Variants in RCAN2 observed in about 807,000 individuals in gnomAD.
RCAN2 encodes regulator of calcineurin 2.
A neutral mutation model predicts 23.6 loss-of-function variants in RCAN2; 9 were observed. That is an observed-to-expected ratio of 0.38 (90% CI 0.23 to 0.67). RCAN2 has a LOEUF of 0.67. Among genes scored for constraint, RCAN2 ranks in the 30% least tolerant of loss-of-function variants. The pLI, the probability that RCAN2 is intolerant of heterozygous loss-of-function variation, is 0.51. For synonymous variants in RCAN2, 109 were observed against 115.7 expected (o/e 0.94, Z 0.37); for missense variants, 273 against 302.3 (o/e 0.90, Z 0.72).
intron 2 of RCAN2, among the ~76,000 whole-genome samples, chr6:46,369,026 T>C (rs1444118550): frequency 6.6e-6 from 1 of 152,206 alleles, no homozygotes; most frequent in Non-Finnish European, 1.5e-5. Context: ...GTATTTTCTT[T>C]CTTTATACCC....
At chr6:46,482,424 G>A (rs1011287863) in intron 1 of RCAN2, among the ~76,000 whole-genome samples, 4 of 152,140 alleles carry the variant, frequency 2.6e-5, no homozygotes, top group Non-Finnish European at 4.4e-5. Context: ...CAGTGAAAGG[G>A]AGGATTCTGC....
At chr6:46,450,636 A>G (rs966209856) in intron 2 of RCAN2, among the ~76,000 whole-genome samples, 6 of 152,086 alleles carry the variant, frequency 3.9e-5, no homozygotes, top group Admixed American at 3.9e-4. Context: ...GTCTTTGCAC[A>G]ACATGGATGA....
intron 2 of RCAN2, among the ~76,000 whole-genome samples, chr6:46,350,986 A>T (rs911182294): frequency 1.3e-5 from 2 of 152,168 alleles, no homozygotes; most frequent in Non-Finnish European, 2.9e-5. Flanking sequence ...TCTCCTCTGG[A>T]TGATAATAGT....
chr6:46,352,133 C>T (rs529731814), intron 2 of RCAN2, among the ~76,000 whole-genome samples: 2 of 152,276 alleles, frequency 1.3e-5, no homozygotes, highest in South Asian at 4.1e-4. Context: ...TCTAAGGAGG[C>T]CTCTCCTGGG....
intron 2 of RCAN2, among the ~76,000 whole-genome samples, chr6:46,390,671 G>T (rs765424263): frequency 6.6e-6 from 1 of 152,106 alleles, no homozygotes; most frequent in Non-Finnish European, 1.5e-5. Flanking sequence ...TCATTCTGTA[G>T]GATTACTAGA....
chr6:46,294,222 A>G (rs1762650093), intron 2 of RCAN2, among the ~76,000 whole-genome samples: 1 of 152,206 alleles, frequency 6.6e-6, no homozygotes. Flanking sequence ...ACGGAATTTA[A>G]AAATAGCAAG....
At chr6:46,387,834 CAA>C (rs1765801203) in intron 2 of RCAN2, among the ~76,000 whole-genome samples, 1 of 152,106 alleles carries the variant, frequency 6.6e-6, no homozygotes, top group African/African-American at 2.4e-5. Context: ...TTCACAATGG[CAA>C]AGACTTGGAA....
chr6:46,385,900 C>T (rs1181428540), intron 2 of RCAN2, among the ~76,000 whole-genome samples: 1 of 146,014 alleles, frequency 6.8e-6, no homozygotes, highest in South Asian at 2.2e-4. Flanking sequence ...AAATATAAAA[C>T]CCAAAACCAT....
chr6:46,392,737 G>A (rs1765970904), intron 2 of RCAN2, among the ~76,000 whole-genome samples: 1 of 152,226 alleles, frequency 6.6e-6, no homozygotes, highest in Non-Finnish European at 1.5e-5. Flanking sequence ...CAGAATATGG[G>A]CTCTGTCAAA....
At chr6:46,427,406 G>A (rs1767059552) in intron 2 of RCAN2, among the ~76,000 whole-genome samples, 1 of 152,146 alleles carries the variant, frequency 6.6e-6, no homozygotes, top group Admixed American at 6.6e-5. Flanking sequence ...GTAAATGGAT[G>A]TAAGTATTAG....
chr6:46,400,199 C>T (rs1036207674), intron 2 of RCAN2, among the ~76,000 whole-genome samples: 1 of 152,176 alleles, frequency 6.6e-6, no homozygotes, highest in African/African-American at 2.4e-5. Flanking sequence ...CAGCTTTCAC[C>T]AATTTATCTC....
intron 2 of RCAN2, among the ~76,000 whole-genome samples, chr6:46,269,583 G>A (rs1339435519): frequency 2.6e-5 from 4 of 152,188 alleles, no homozygotes; most frequent in Non-Finnish European, 5.9e-5. Context: ...GAGATCCTTG[G>A]TCATGCATTC....
At chr6:46,318,148 C>T (rs1763500770) in intron 2 of RCAN2, among the ~76,000 whole-genome samples, 1 of 152,042 alleles carries the variant, frequency 6.6e-6, no homozygotes, top group Non-Finnish European at 1.5e-5. Flanking sequence ...GTAAACAGTC[C>T]CCTGAGGTTA....
intron 4 of RCAN2, among the ~76,000 whole-genome samples, chr6:46,232,837 C>T (rs1193294161): frequency 6.9e-6 from 1 of 144,508 alleles, no homozygotes; most frequent in Non-Finnish European, 1.5e-5. Context: ...GGGAAGCAAA[C>T]CTGCAAATTC....
At chr6:46,388,123 G>A (rs1008683798) in intron 2 of RCAN2, among the ~76,000 whole-genome samples, 1 of 151,988 alleles carries the variant, frequency 6.6e-6, no homozygotes, top group African/African-American at 2.4e-5. Context: ...GTAGGGGGGA[G>A]GGAAAGCATT....
Position 46,362,973 on chromosome 6 carries a change from T to C in RCAN2, c.225+93779A>G, listed in dbSNP as rs545268362. On this transcript the variant is annotated intron_variant, in intron 2 of 4. Transcript: ENST00000371374. Reference sequence around the variant, plus strand: ...GTGCAGAAATTATTAAAATTAACTTTTTAAATTGGACTTTTTAACAGGAAG... The same window carrying C: ...GTGCAGAAATTATTAAAATTAACTTCTTAAATTGGACTTTTTAACAGGAAG... Among the ~76,000 whole-genome samples, 111 of 152,266 alleles carry C rather than the reference T, an allele frequency of 7.3e-4. 1 individual carries two copies. Among genetic ancestry groups the C allele is most frequent in the African/African-American group, 2.6e-3 (108 of 41,554 alleles).
intron 2 of RCAN2, among the ~76,000 whole-genome samples, chr6:46,455,473 C>A (rs1211015609): frequency 6.6e-6 from 1 of 151,934 alleles, no homozygotes; most frequent in East Asian, 1.9e-4. Flanking sequence ...CAGACTTCAG[C>A]AATGGGCAGA....
chr6:46,426,181 G>A (rs761656420), intron 2 of RCAN2, among the ~76,000 whole-genome samples: 4 of 152,076 alleles, frequency 2.6e-5, no homozygotes, highest in African/African-American at 4.8e-5. Context: ...TTACAGGCAT[G>A]AGCCACCATG....
intron 1 of RCAN2, among the ~76,000 whole-genome samples, chr6:46,466,499 G>T (rs1582225526): frequency 6.6e-6 from 1 of 151,196 alleles, no homozygotes; most frequent in Non-Finnish European, 1.5e-5. Context: ...ACATTAGCAG[G>T]TAATGAAGAG....
Sources: allele counts gnomAD v4.1 joint callset (sites outside exome capture counted in the v4.1 genomes callset), GRCh38; gene constraint gnomAD v4.1.1; transcripts MANE v1.5; gene names NCBI Gene and HGNC (gene_info 2026-07-23, HGNC 2026-07-21).